The following RHOA variants were observed in gnomAD, a reference collection of about 807,000 sequenced individuals.
The protein encoded by RHOA is ras homolog family member A.
Under a neutral mutation model 17.5 loss-of-function variants are expected in RHOA, and 3 were observed. The ratio of observed to expected loss-of-function variants is 0.17; its 90% CI spans 0.08 to 0.44. The LOEUF is 0.44. Ranked by LOEUF, RHOA falls within the 20% of genes least tolerant of loss-of-function variation. RHOA has a pLI of 0.99. For synonymous variants in RHOA, 98 were observed against 88.4 expected, an observed-to-expected ratio of 1.11 and a Z score of -0.61; for missense variants, 56 against 242.3, an observed-to-expected ratio of 0.23 and a Z score of 5.10.
intron 1 of RHOA, 110 bp from the exon 2 acceptor site, chr3:49,375,701 C>T: frequency 2.6e-6 from 3 of 1,134,862 alleles, no homozygotes; most frequent in Non-Finnish European, 1.2e-6. Flanking sequence ...TTAGCATACT[C>T]AAATTCAAAC....
At chr3:49,372,673 G>A (rs1349364762) in intron 2 of RHOA, among the ~76,000 whole-genome samples, 1 of 144,624 alleles carries the variant, frequency 6.9e-6, no homozygotes, top group Non-Finnish European at 1.5e-5. Flanking sequence ...GGCAGAGGTT[G>A]CAGTTAGCAG....
intron 1 of RHOA, among the ~76,000 whole-genome samples, chr3:49,396,830 A>T (rs2048624169): frequency 6.6e-6 from 1 of 151,714 alleles, no homozygotes; most frequent in African/African-American, 2.4e-5. Context: ...ACTAAAAAAA[A>T]TTTTTTTAAA....
intron 1 of RHOA, among the ~76,000 whole-genome samples, chr3:49,402,179 T>C (rs1259716460): frequency 1.3e-5 from 2 of 152,196 alleles, no homozygotes; most frequent in African/African-American, 4.8e-5. Context: ...ATGTAAATAT[T>C]ATAAGGTTAA....
chr3:49,390,128 T>G (rs954573578), intron 1 of RHOA, among the ~76,000 whole-genome samples: 1 of 151,668 alleles, frequency 6.6e-6, no homozygotes, highest in Non-Finnish European at 1.5e-5. Context: ...GACAGTCCGT[T>G]GTCAGGAATT....
intron 1 of RHOA, among the ~76,000 whole-genome samples, chr3:49,396,577 C>T (rs1231164266): frequency 6.6e-6 from 1 of 151,992 alleles, no homozygotes; most frequent in East Asian, 1.9e-4. Flanking sequence ...CATGATGGCA[C>T]ACGTCTGTAA....
At chr3:49,406,528 G>A (rs1177777545) in intron 1 of RHOA, among the ~76,000 whole-genome samples, 1 of 152,204 alleles carries the variant, frequency 6.6e-6, no homozygotes, top group African/African-American at 2.4e-5. Context: ...AATCCCAGCA[G>A]GAAGCTGAGG....
Position 49,375,430 on chromosome 3 carries a change from T to G in RHOA, c.156+4A>C, listed in dbSNP as rs1238863509. 1 of 1,607,088 alleles carries G rather than the reference T, an allele frequency of 6.2e-7. No individual in the cohort carries two copies. Among genetic ancestry groups the G allele is most frequent in the Non-Finnish European group, 8.5e-7 (1 of 1,177,302 alleles). ...GCATCAGTTGTTATGAAAAGTATACTCACCTGCTTTCCATCCACCTCGATA... is the reference window on the plus strand; with the variant it reads ...GCATCAGTTGTTATGAAAAGTATACGCACCTGCTTTCCATCCACCTCGATA... On this transcript the variant is annotated splice_donor_region_variant and intron_variant, in intron 2 of 4. Transcript: ENST00000418115.
intron 3 of RHOA, chr3:49,366,998 C>G (rs539580105): frequency 2.0e-4 from 31 of 152,110 alleles, no homozygotes; most frequent in African/African-American, 7.5e-4. Context: ...TTTTTTCAAG[C>G]CTGGTTTCAC....
At chr3:49,384,062 C>G (rs575388302) in intron 1 of RHOA, among the ~76,000 whole-genome samples, 1 of 152,108 alleles carries the variant, frequency 6.6e-6, no homozygotes, top group South Asian at 2.1e-4. Context: ...AGAAAAATAT[C>G]TGATAAAGAA....
chr3:49,400,862 G>A (rs550121008), intron 1 of RHOA, among the ~76,000 whole-genome samples: 8 of 151,434 alleles, frequency 5.3e-5, no homozygotes, highest in Admixed American at 2.0e-4. Context: ...TGGCTAACAC[G>A]GTGAAATCCC....
At chr3:49,396,815 T>C (rs1485422352) in intron 1 of RHOA, among the ~76,000 whole-genome samples, 2 of 151,830 alleles carry the variant, frequency 1.3e-5, no homozygotes, top group Admixed American at 6.6e-5. Flanking sequence ...TGAGACCACA[T>C]CTTTACTAAA....
intron 3 of RHOA, among the ~76,000 whole-genome samples, chr3:49,365,554 G>C (rs1409143516): frequency 6.6e-6 from 1 of 150,896 alleles, no homozygotes; most frequent in South Asian, 2.1e-4. Flanking sequence ...TGAATAAATT[G>C]ACTGTCGCCA....
At chr3:49,367,240 G>A (rs2048070192) in intron 3 of RHOA, among the ~76,000 whole-genome samples, 1 of 150,264 alleles carries the variant, frequency 6.7e-6, no homozygotes, top group African/African-American at 2.4e-5. Flanking sequence ...CTACTTGGGT[G>A]GCTGAGGCAG....
At chr3:49,401,869 G>A (rs933037963) in intron 1 of RHOA, among the ~76,000 whole-genome samples, 5 of 152,110 alleles carry the variant, frequency 3.3e-5, no homozygotes, top group African/African-American at 1.2e-4. Context: ...TCATGCCAGC[G>A]CCCATCTTGA....
intron 1 of RHOA, among the ~76,000 whole-genome samples, chr3:49,405,257 C>CAAAAAAAAA (rs56912055): frequency 9.1e-6 from 1 of 110,020 alleles, no homozygotes; most frequent in African/African-American, 4.1e-5. Flanking sequence ...GACTGTGTCT[C>CAAAAAAAAA]AAAAAAAAAA....
intron 1 of RHOA, among the ~76,000 whole-genome samples, chr3:49,398,216 T>C (rs952513838): frequency 1.5e-4 from 18 of 117,310 alleles, no homozygotes; most frequent in Non-Finnish European, 2.3e-4. Context: ...CCAAGTGTGG[T>C]GGCGCGCTCC....
intron 1 of RHOA, among the ~76,000 whole-genome samples, chr3:49,407,525 C>G (rs921508412): frequency 3.9e-5 from 6 of 152,176 alleles, no homozygotes; most frequent in African/African-American, 1.2e-4. Context: ...TCAGCCACTG[C>G]TCCCAGCCAG....
intron 1 of RHOA, among the ~76,000 whole-genome samples, chr3:49,401,445 G>A (rs1408708490): frequency 2.0e-5 from 3 of 151,762 alleles, no homozygotes; most frequent in Non-Finnish European, 2.9e-5. Context: ...TTGAGCCCAA[G>A]AGTTTGACAC....
chr3:49,362,920 C>T (rs999939573), intron 3 of RHOA, among the ~76,000 whole-genome samples: 5 of 152,278 alleles, frequency 3.3e-5, no homozygotes, highest in South Asian at 4.1e-4. Context: ...GGTAGTTTCA[C>T]GGGGGGCACT....
Sources: allele counts gnomAD v4.1 joint callset (sites outside exome capture counted in the v4.1 genomes callset), GRCh38; gene constraint gnomAD v4.1.1; transcripts MANE v1.5; gene names NCBI Gene and HGNC (gene_info 2026-07-23, HGNC 2026-07-21).